The following CADPS variants were observed in gnomAD, a reference collection of about 807,000 sequenced individuals.
CADPS encodes calcium dependent secretion activator.
A neutral mutation model predicts 167.3 loss-of-function variants in CADPS; 57 were observed. The observed-to-expected ratio is 0.34, with a 90% confidence interval of 0.28 to 0.42. The LOEUF is 0.42. Ranked by LOEUF, CADPS falls within the 20% of genes least tolerant of loss-of-function variation. CADPS has a pLI of 1.00. For synonymous variants in CADPS, 676 were observed against 635.3 expected (o/e 1.06, Z -0.96); for missense variants, 1,414 against 1,738.1 (o/e 0.81, Z 3.32).
chr3:62,400,799 C>T (rs1185818058), intron 29 of CADPS, among the ~76,000 whole-genome samples: 1 of 152,012 alleles, frequency 6.6e-6, no homozygotes, highest in African/African-American at 2.4e-5. Flanking sequence ...AGGGTTTCAC[C>T]ATGTTGGCCA....
Position 62,641,996 on chromosome 3 carries a change from T to A in CADPS, c.1325+3726A>T, listed in dbSNP as rs17276334. Among the ~76,000 whole-genome samples the A allele has an allele frequency of 6.7e-3, 1,016 of 152,100 alleles. 8 individuals carry two copies. Among genetic ancestry groups the A allele is most frequent in the Admixed American group, 0.01 (156 of 15,266 alleles). ...CTGGCCATAAGTGAAGAGATGGCAC[T>A]GATAAAAGGAGGTGAAGGATGTGTA... On this transcript the variant is annotated intron_variant, in intron 6 of 29. Coordinates refer to ENST00000383710, the MANE Select transcript of CADPS (RefSeq NM_003716.4).
At chr3:62,789,639 G>T (rs746691012) in intron 1 of CADPS, among the ~76,000 whole-genome samples, 1 of 152,128 alleles carries the variant, frequency 6.6e-6, no homozygotes, top group African/African-American at 2.4e-5. Context: ...CACTGAACAC[G>T]TTCCAGAGAT....
At chr3:62,480,750 G>A (rs1179435970) in intron 22 of CADPS, among the ~76,000 whole-genome samples, 3 of 152,134 alleles carry the variant, frequency 2.0e-5, no homozygotes, top group South Asian at 2.1e-4. Flanking sequence ...TATCTGGTCC[G>A]TAATTAGCTG....
At chr3:62,600,286 C>T (rs1173733055) in intron 6 of CADPS, among the ~76,000 whole-genome samples, 1 of 151,848 alleles carries the variant, frequency 6.6e-6, no homozygotes, top group Non-Finnish European at 1.5e-5. Flanking sequence ...AATGGCTCTC[C>T]AAGGGCTGGC....
intron 6 of CADPS, among the ~76,000 whole-genome samples, chr3:62,621,666 G>C (rs1333248732): frequency 1.3e-5 from 2 of 151,880 alleles, no homozygotes; most frequent in Non-Finnish European, 2.9e-5. Context: ...GGGGTTTCTT[G>C]TGCAGTTTAT....
At chr3:62,765,740 A>G in intron 2 of CADPS, 131 bp downstream of exon 2, 1 of 558,484 alleles carries the variant, frequency 1.8e-6, no homozygotes, top group Non-Finnish European at 3.2e-6. Context: ...GTAACGAATC[A>G]CCAACCCATT....
At chr3:62,735,484 T>C (rs1575631348) in intron 3 of CADPS, among the ~76,000 whole-genome samples, 1 of 152,244 alleles carries the variant, frequency 6.6e-6, no homozygotes, top group Middle Eastern at 3.4e-3. Flanking sequence ...TAGGTATCAT[T>C]TTGCATGTCT....
At chr3:62,759,979 T>C (rs1043962002) in intron 2 of CADPS, among the ~76,000 whole-genome samples, 2 of 152,160 alleles carry the variant, frequency 1.3e-5, no homozygotes, top group Non-Finnish European at 1.5e-5. Flanking sequence ...CTGGGCAAAG[T>C]TTCAGAAGCA....
At chr3:62,714,828 T>A (rs950099399) in intron 3 of CADPS, among the ~76,000 whole-genome samples, 3 of 152,074 alleles carry the variant, frequency 2.0e-5, no homozygotes, top group Non-Finnish European at 4.4e-5. Context: ...TTAAAAAAAA[T>A]TAAGTTTCTA....
chr3:62,867,397 C>T (rs911220832), intron 1 of CADPS, among the ~76,000 whole-genome samples: 2 of 151,996 alleles, frequency 1.3e-5, no homozygotes, highest in Admixed American at 6.6e-5. Context: ...TTGGCATTAG[C>T]CATTTAAAAT....
At chr3:62,517,272 G>T (rs11130883) in intron 14 of CADPS, among the ~76,000 whole-genome samples, 110,839 of 152,008 alleles carry the variant, frequency 0.73, 40,652 homozygotes, top group Middle Eastern at 0.84. Context: ...TCACTGGCCC[G>T]TCAGAACACT....
At chr3:62,766,919 T>C (rs1258859125) in intron 1 of CADPS, among the ~76,000 whole-genome samples, 1 of 152,166 alleles carries the variant, frequency 6.6e-6, no homozygotes, top group Non-Finnish European at 1.5e-5. Context: ...TGCGGTGTCT[T>C]TTCTTGCTAT....
intron 28 of CADPS, among the ~76,000 whole-genome samples, chr3:62,406,825 G>A (rs1057024240): frequency 3.3e-5 from 5 of 152,296 alleles, no homozygotes; most frequent in African/African-American, 1.2e-4. Flanking sequence ...TTCAGCAGCT[G>A]AACTGGATCT....
intron 2 of CADPS, among the ~76,000 whole-genome samples, chr3:62,761,186 A>C (rs1390693234): frequency 1.3e-5 from 2 of 152,130 alleles, no homozygotes; most frequent in Admixed American, 1.3e-4. Flanking sequence ...CAACAACAAT[A>C]CTGGCAACAA....
At chr3:62,826,285 A>C (rs770595950) in intron 1 of CADPS, among the ~76,000 whole-genome samples, 14 of 152,154 alleles carry the variant, frequency 9.2e-5, no homozygotes, top group Non-Finnish European at 1.9e-4. Context: ...GTTTCAGTAG[A>C]GATCAGGAGA....
chr3:62,618,968 A>T (rs1338245648), intron 6 of CADPS, among the ~76,000 whole-genome samples: 1 of 152,204 alleles, frequency 6.6e-6, no homozygotes, highest in Non-Finnish European at 1.5e-5. Flanking sequence ...ATTGATGACT[A>T]GGGATGGTCT....
chr3:62,445,678 TATCAAAATTCTC>T, intron 27 of CADPS, 75 bp downstream of exon 27: 1 of 915,208 alleles, frequency 1.1e-6, no homozygotes, highest in Non-Finnish European at 1.6e-6. Flanking sequence ...TGAGTAGCAC[TATCAAAATTCTC>T]ATGAAAACAA....
At chr3:62,670,094 A>T (rs925327179) in intron 3 of CADPS, among the ~76,000 whole-genome samples, 3 of 152,172 alleles carry the variant, frequency 2.0e-5, no homozygotes, top group Admixed American at 2.0e-4. Flanking sequence ...TCACTGTATG[A>T]TCAGGGCCAG....
chr3:62,436,490 C>T (rs1024354127), intron 28 of CADPS, among the ~76,000 whole-genome samples: 1 of 152,190 alleles, frequency 6.6e-6, no homozygotes, highest in African/African-American at 2.4e-5. Flanking sequence ...CTCCTAACTG[C>T]AGACCCGAGG....
Sources: allele counts gnomAD v4.1 joint callset (sites outside exome capture counted in the v4.1 genomes callset), GRCh38; gene constraint gnomAD v4.1.1; transcripts MANE v1.5; gene names NCBI Gene and HGNC (gene_info 2026-07-23, HGNC 2026-07-21).